Variants in TDRP observed in about 807,000 individuals in gnomAD.
TDRP encodes the protein testis development-related protein.
TDRP carries 12 observed loss-of-function variants against 10.5 expected under a neutral mutation model. That is an observed-to-expected ratio of 1.15 (90% CI 0.73 to 1.86). The LOEUF (loss-of-function observed/expected upper bound fraction) is 1.86. Ranked by LOEUF, TDRP falls within the 40% of genes most tolerant of loss-of-function variation. The probability of loss-of-function intolerance (pLI) is 0.00; values close to 1 mark genes in which losing one functional copy is unlikely to be tolerated. For missense variants in TDRP, 353 were observed against 229.2 expected (o/e 1.54, Z -3.49); for synonymous variants, 139 against 95.4 (o/e 1.46, Z -2.67).
intron 1 of TDRP, among the ~76,000 whole-genome samples, chr8:534,970 C>A (rs369218227): frequency 6.6e-6 from 1 of 152,138 alleles, no homozygotes; most frequent in Non-Finnish European, 1.5e-5. Context: ...AACGACACAA[C>A]GCATTCTGAG....
At chr8:496,800 T>C (rs1178131621) in intron 1 of TDRP, among the ~76,000 whole-genome samples, 2 of 152,148 alleles carry the variant, frequency 1.3e-5, no homozygotes, top group East Asian at 3.9e-4. Context: ...GATGACTGGA[T>C]CATGGGGGCA....
In TDRP at chr8:537,114, G is replaced by A. The variant is rs543874865; in HGVS notation, c.108+7536C>T. Among the ~76,000 whole-genome samples the A allele has an allele frequency of 2.4e-4, 36 of 152,338 alleles. No homozygotes were observed. The South Asian group carries it at 4.8e-3, about 20-fold the overall frequency. ...AATTCTGCAGCTCCCATCAGGTGCC[G>A]TAATGTGGAAACCCCACACCAGGTA... On this transcript the variant is annotated intron_variant, in intron 1 of 2. Coordinates refer to ENST00000324079, the MANE Select transcript of TDRP (RefSeq NM_001384899.1).
chr8:529,621 G>C (rs556666252), intron 1 of TDRP, among the ~76,000 whole-genome samples: 4 of 152,252 alleles, frequency 2.6e-5, no homozygotes, highest in African/African-American at 9.6e-5. Flanking sequence ...TTGAAAGATG[G>C]TTTTGCCAGC....
At chr8:520,322 T>C (rs893020930) in intron 1 of TDRP, among the ~76,000 whole-genome samples, 1 of 152,196 alleles carries the variant, frequency 6.6e-6, no homozygotes, top group Non-Finnish European at 1.5e-5. Context: ...CCATTGAACA[T>C]ATGTACTATA....
chr8:494,691 A>G, intron 1 of TDRP, 94 bp from the exon 2 acceptor site: 1 of 1,129,486 alleles, frequency 8.9e-7, no homozygotes, highest in East Asian at 2.4e-5. Context: ...AAATTTAGAA[A>G]AAAGAATTGG....
intron 1 of TDRP, among the ~76,000 whole-genome samples, chr8:506,990 T>C (rs1016258059): frequency 4.6e-5 from 7 of 152,164 alleles, no homozygotes; most frequent in African/African-American, 1.2e-4. Context: ...AGAGGTTTAA[T>C]TGACTCACAG....
rs372438854 is a variant in TDRP at position 492,406 on chromosome 8, G to A, written c.551C>T (p.Ala184Val). The A allele has an allele frequency of 2.7e-5, 42 of 1,529,606 alleles. No homozygotes were observed. The highest frequency in any genetic ancestry group is 1.0e-4 in the South Asian group (8 of 76,718). 94.8% of individuals were successfully genotyped at this position (1,529,606 alleles called of 1,614,324 possible). A position where few individuals can be genotyped will look rare whatever the true frequency, so the allele number is the denominator to read the frequency against. ...KGHLTDSPEE[A>V]E ...CTTGCCACGCAGCCCCCCTCACTCC[G>A]CCTCCTCCGGGCTATCTGTCAGGTG... Residue 184 changes from alanine to valine, a missense_variant, in exon 3 of 3, where the codon GCG becomes GTG. Physicochemically the swap from Ala to Val is moderately conservative, Grantham distance 64. Transcript: ENST00000324079.
At chr8:540,805 G>C (rs1584886955) in intron 1 of TDRP, among the ~76,000 whole-genome samples, 2 of 62,908 alleles carry the variant, frequency 3.2e-5, no homozygotes, top group African/African-American at 1.2e-4. Context: ...ACTTTTTCAC[G>C]TAAAAAAAAA....
intron 1 of TDRP, among the ~76,000 whole-genome samples, chr8:499,968 T>C (rs1801242736): frequency 6.6e-6 from 1 of 152,178 alleles, no homozygotes; most frequent in Non-Finnish European, 1.5e-5. Flanking sequence ...TAGAGTGTTC[T>C]ATGGGAAGGC....
chr8:517,930 G>C (rs1346163891), intron 1 of TDRP, among the ~76,000 whole-genome samples: 1 of 152,154 alleles, frequency 6.6e-6, no homozygotes, highest in African/African-American at 2.4e-5. Context: ...ACAGTAAAAA[G>C]ATCCGTGGTT....
At chr8:520,417 C>A (rs1024106561) in intron 1 of TDRP, among the ~76,000 whole-genome samples, 5 of 152,150 alleles carry the variant, frequency 3.3e-5, no homozygotes, top group Admixed American at 1.3e-4. Flanking sequence ...CATGGGTGTG[C>A]AAATCTCTTT....
At chr8:495,678 T>C (rs1011138956) in intron 1 of TDRP, among the ~76,000 whole-genome samples, 1 of 152,108 alleles carries the variant, frequency 6.6e-6, no homozygotes, top group South Asian at 2.1e-4. Flanking sequence ...ATACTTTGCG[T>C]TGTTAAAAAT....
intron 1 of TDRP, among the ~76,000 whole-genome samples, chr8:497,736 C>T (rs1584852067): frequency 6.6e-6 from 1 of 152,278 alleles, no homozygotes; most frequent in South Asian, 2.1e-4. Context: ...CATGGCAGCC[C>T]CTCCCATCAC....
chr8:500,584 C>G (rs1442876945), intron 1 of TDRP, among the ~76,000 whole-genome samples: 1 of 152,226 alleles, frequency 6.6e-6, no homozygotes, highest in Non-Finnish European at 1.5e-5. Flanking sequence ...ATCTTGAAAT[C>G]TTAAACAAAA....
In TDRP at chr8:497,027, T is replaced by G. The variant is rs1418942629; in HGVS notation, c.109-2430A>C. 3.9e-5 allele frequency among the ~76,000 whole-genome samples: 6 copies of G among 152,186 alleles called. No homozygotes were observed. In the East Asian group the frequency reaches 1.2e-3, roughly 29 times the overall value. Reference sequence around the variant, plus strand: ...CCTCTTTTCTTTATAAATTATGCAGTCTCAGGTAGTTCTTTATAGCAGTGT... The same window carrying G: ...CCTCTTTTCTTTATAAATTATGCAGGCTCAGGTAGTTCTTTATAGCAGTGT... On this transcript the variant is annotated intron_variant, in intron 1 of 2. Transcript: ENST00000324079.
intron 1 of TDRP, among the ~76,000 whole-genome samples, chr8:538,829 T>A (rs142365809): frequency 6.6e-6 from 1 of 152,204 alleles, no homozygotes; most frequent in Non-Finnish European, 1.5e-5. Context: ...TTTCCCCCCA[T>A]CAGATCTAAA....
At chr8:534,501 A>G (rs1802294493) in intron 1 of TDRP, among the ~76,000 whole-genome samples, 1 of 152,158 alleles carries the variant, frequency 6.6e-6, no homozygotes, top group Non-Finnish European at 1.5e-5. Context: ...CATCTCTAAC[A>G]CAGGTGCTCC....
intron 1 of TDRP, among the ~76,000 whole-genome samples, chr8:527,544 T>C (rs1802065190): frequency 6.6e-6 from 1 of 152,082 alleles, no homozygotes. Context: ...CAAATGGAAC[T>C]GGCACAAAAA....
intron 1 of TDRP, among the ~76,000 whole-genome samples, chr8:497,015 T>C (rs960502716): frequency 1.3e-5 from 2 of 152,236 alleles, no homozygotes; most frequent in Admixed American, 1.3e-4. Flanking sequence ...CTTTTCTTTA[T>C]AAATTATGCA....
Sources: gnomAD v4.1 joint callset for allele counts (sites outside exome capture counted in the v4.1 genomes callset) on GRCh38, gnomAD v4.1.1 for gene constraint, MANE v1.5 for transcripts, NCBI Gene and HGNC (gene_info 2026-07-23, HGNC 2026-07-21) for gene names.